TUT4: variants seen among roughly 807,000 people sequenced by gnomAD.
TUT4 encodes terminal uridylyl transferase 4.
A neutral mutation model predicts 192.2 loss-of-function variants in TUT4; 36 were observed. That is an observed-to-expected ratio of 0.19 (90% CI 0.14 to 0.25). The LOEUF is 0.25. TUT4 is among the 10% of genes least tolerant of loss of function. The pLI, the probability that TUT4 is intolerant of heterozygous loss-of-function variation, is 1.00. For missense variants in TUT4, 1,493 were observed against 1,957.2 expected, an observed-to-expected ratio of 0.76 and a Z score of 4.47; for synonymous variants, 618 against 666.0, an observed-to-expected ratio of 0.93 and a Z score of 1.11.
In TUT4 at chr1:52,425,342, G is replaced by C. The variant is rs774561426; in HGVS notation, c.4870+7C>G. The C allele has an allele frequency of 4.3e-6, 7 of 1,612,906 alleles. No individual in the cohort carries two copies. The Admixed American group carries it at 1.2e-4, about 27-fold the overall frequency. On this transcript the variant is annotated splice_region_variant and intron_variant, in intron 29 of 29. Coordinates refer to ENST00000257177, the MANE Select transcript of TUT4 (RefSeq NM_001009881.3). Reference sequence around the variant, plus strand: ...AAGCCTGTTAACTAATTTGTAAGCAGTGGTACCTTGAGTATAGAAAGGTTT... The same window carrying C: ...AAGCCTGTTAACTAATTTGTAAGCACTGGTACCTTGAGTATAGAAAGGTTT...
At chr1:52,494,418 G>A (rs952597262) in intron 6 of TUT4, among the ~76,000 whole-genome samples, 4 of 152,228 alleles carry the variant, frequency 2.6e-5, no homozygotes, top group East Asian at 1.9e-4. Context: ...TAGGCCAGGT[G>A]CGGTGGCTCA....
At chr1:52,520,832 G>A (rs924901132) in intron 2 of TUT4, among the ~76,000 whole-genome samples, 7 of 151,968 alleles carry the variant, frequency 4.6e-5, no homozygotes, top group South Asian at 2.1e-4. Flanking sequence ...CGCTCTTGGT[G>A]TCCAAGCTGG....
chr1:52,438,128 T>G (rs2148296903), intron 25 of TUT4, 92 bp downstream of exon 25: 1 of 1,004,536 alleles, frequency 1.0e-6, no homozygotes, highest in East Asian at 2.4e-5. Context: ...ACCCTAAACT[T>G]TCTCAGTTAA....
chr1:52,526,436 T>TA (rs1395321974), intron 1 of TUT4, 63 bp from the exon 2 acceptor site: 1 of 640,850 alleles, frequency 1.6e-6, no homozygotes, highest in African/African-American at 1.9e-5. Flanking sequence ...TTTTTATGGT[T>TA]AGACATTAAA....
At chr1:52,487,415 C>T (rs568484384) in intron 9 of TUT4, among the ~76,000 whole-genome samples, 13 of 152,010 alleles carry the variant, frequency 8.6e-5, no homozygotes, top group African/African-American at 3.1e-4. Flanking sequence ...TCGCTCACTC[C>T]AGCACTAGGT....
At position 52,466,635 on chromosome 1, in the gene TUT4, T is replaced by C. The variant is rs138752359; in HGVS notation, c.2966-1462A>G. On this transcript the variant is annotated intron_variant, in intron 15 of 29. Coordinates refer to ENST00000257177, the MANE Select transcript of TUT4 (RefSeq NM_001009881.3). ...CAGTTGAGCCCGGGTGACAGAGTAATATCCTATTTCAAAAAAAAAAAAAAA... is the reference window on the plus strand; with the variant it reads ...CAGTTGAGCCCGGGTGACAGAGTAACATCCTATTTCAAAAAAAAAAAAAAA... Among the ~76,000 whole-genome samples, 1,246 of 131,764 alleles carry C rather than the reference T, an allele frequency of 9.5e-3. 15 individuals carry two copies. The highest frequency in any genetic ancestry group is 0.038 in the African/African-American group (1,144 of 29,838). 86.4% of individuals were successfully genotyped at this position (131,764 alleles called of 152,430 possible).
rs1273161502 is a variant in TUT4, at chr1:52,477,634, T to C, written c.2023+74A>G. The C allele has an allele frequency of 2.1e-6, 3 of 1,400,254 alleles. No individual in the cohort carries two copies. The Admixed American group carries it at 6.5e-5, about 30-fold the overall frequency. 86.7% of individuals were successfully genotyped at this position (1,400,254 alleles called of 1,614,324 possible). On this transcript the variant is annotated intron_variant, in intron 12 of 29. Transcript: ENST00000257177. ...TATATAGTGCCACAAAGCCAAAGGA[T>C]TATTAACACTGAATTAGATAATGAG...
At chr1:52,512,616 GA>G (rs149742454) in intron 3 of TUT4, among the ~76,000 whole-genome samples, 1 of 151,468 alleles carries the variant, frequency 6.6e-6, no homozygotes, top group Admixed American at 6.6e-5. Flanking sequence ...TAGTTTCACA[GA>G]AAAAAAATAC....
At chr1:52,496,898 CTTTTAAGGAGAAAAGGGA>C in intron 5 of TUT4, 90 bp downstream of exon 5, 1 of 1,110,402 alleles carries the variant, frequency 9.0e-7, no homozygotes, top group Non-Finnish European at 1.2e-6. Context: ...ATTTTATCTA[CTTTTAAGGAGAAAAGGGA>C]AGAAAAACAT....
intron 20 of TUT4, among the ~76,000 whole-genome samples, chr1:52,447,852 A>G (rs1658041167): frequency 6.6e-6 from 1 of 152,246 alleles, no homozygotes; most frequent in African/African-American, 2.4e-5. Flanking sequence ...TTATAAATGG[A>G]GAAAACATAC....
rs556708367 is a variant in TUT4 at position 52,478,423 on chromosome 1, T to C, written c.1849-541A>G. Among the ~76,000 whole-genome samples the C allele has an allele frequency of 2.0e-5, 3 of 152,332 alleles. No individual in the cohort carries two copies. In the South Asian group the frequency reaches 6.2e-4, roughly 32 times the overall value. ...TATGTCCCTGACATTGTTAGGAATA[T>C]CATAAAATAAAGAAAGCTCACACTT... On this transcript the variant is annotated intron_variant, in intron 11 of 29. Transcript: ENST00000257177.
At chr1:52,527,318 C>T (rs1265110915) in intron 1 of TUT4, among the ~76,000 whole-genome samples, 2 of 152,146 alleles carry the variant, frequency 1.3e-5, no homozygotes, top group Non-Finnish European at 2.9e-5. Context: ...GAGGCCAAGG[C>T]GGGCGGATCA....
At chr1:52,529,439 G>A (rs922027345) in intron 1 of TUT4, among the ~76,000 whole-genome samples, 5 of 151,992 alleles carry the variant, frequency 3.3e-5, no homozygotes, top group African/African-American at 1.2e-4. Flanking sequence ...AACTGCTGCA[G>A]GTTCCTCACT....
intron 20 of TUT4, among the ~76,000 whole-genome samples, chr1:52,452,243 A>G (rs769251605): frequency 6.6e-6 from 1 of 152,202 alleles, no homozygotes; most frequent in Non-Finnish European, 1.5e-5. Context: ...ATAATGTACA[A>G]AAGAGAGTTA....
At chr1:52,529,041 T>G (rs1174653198) in intron 1 of TUT4, among the ~76,000 whole-genome samples, 2 of 152,178 alleles carry the variant, frequency 1.3e-5, no homozygotes, top group Non-Finnish European at 2.9e-5. Context: ...TGCAGTCCTC[T>G]ACATTCTCTG....
At chr1:52,432,308 A>C (rs1225327583) in intron 27 of TUT4, 2 of 152,224 alleles carry the variant, frequency 1.3e-5, no homozygotes, top group Non-Finnish European at 2.9e-5. Context: ...TGATACAAGA[A>C]GGGAGAGATA....
At chr1:52,487,624 C>T (rs906285638) in intron 9 of TUT4, among the ~76,000 whole-genome samples, 4 of 151,956 alleles carry the variant, frequency 2.6e-5, no homozygotes, top group Non-Finnish European at 5.9e-5. Flanking sequence ...TCTTTCTGGC[C>T]CAGGCACAGT....
At chr1:52,549,674 A>G (rs745355272) in intron 1 of TUT4, among the ~76,000 whole-genome samples, 1 of 152,238 alleles carries the variant, frequency 6.6e-6, no homozygotes, top group African/African-American at 2.4e-5. Flanking sequence ...CATATACATT[A>G]TATTAGGAAG....
At chr1:52,544,046 C>T (rs772190785) in intron 1 of TUT4, among the ~76,000 whole-genome samples, 31 of 151,622 alleles carry the variant, frequency 2.0e-4, no homozygotes, top group Admixed American at 4.6e-4. Context: ...CCCAGCACTT[C>T]GGGAGGCCGA....
Sources: allele counts gnomAD v4.1 joint callset (sites outside exome capture counted in the v4.1 genomes callset), GRCh38; gene constraint gnomAD v4.1.1; transcripts MANE v1.5; gene names NCBI Gene and HGNC (gene_info 2026-07-23, HGNC 2026-07-21).